The following SLFN12L variants were observed in gnomAD, a reference collection of about 807,000 sequenced individuals.
SLFN12L encodes the protein schlafen family member 12-like.
A neutral mutation model predicts 34.8 loss-of-function variants in SLFN12L; 34 were observed. The ratio of observed to expected loss-of-function variants is 0.98; its 90% confidence interval spans 0.74 to 1.30. The LOEUF is 1.30. Among genes scored for constraint, SLFN12L ranks in the 50% most tolerant of loss-of-function variants. SLFN12L has a pLI of 0.00. For synonymous variants in SLFN12L, 259 were observed against 247.5 expected, an observed-to-expected ratio of 1.05 and a Z score of -0.44; for missense variants, 703 against 696.2, an observed-to-expected ratio of 1.01 and a Z score of -0.11.
chr17:35,530,735 A>C (rs1478193864), intron 1 of SLFN12L, among the ~76,000 whole-genome samples: 1 of 152,092 alleles, frequency 6.6e-6, no homozygotes, highest in East Asian at 1.9e-4. Context: ...AAATCAATAA[A>C]ACTTAACTGT....
At chr17:35,517,871 T>G (rs1344845001) in intron 2 of SLFN12L, among the ~76,000 whole-genome samples, 1 of 152,184 alleles carries the variant, frequency 6.6e-6, no homozygotes, top group Non-Finnish European at 1.5e-5. Flanking sequence ...CTGTACTCCT[T>G]CCTTACACCT....
intron 2 of SLFN12L, chr17:35,498,710 C>T: frequency 6.5e-7 from 1 of 1,541,956 alleles, no homozygotes; most frequent in Non-Finnish European, 8.8e-7. Context: ...ATTACGTGGT[C>T]CATCTCCAAG....
chr17:35,515,535 C>T (rs1915790493), intron 2 of SLFN12L, among the ~76,000 whole-genome samples: 1 of 151,852 alleles, frequency 6.6e-6, no homozygotes, highest in African/African-American at 2.4e-5. Context: ...GTGGCGTGAT[C>T]TCAACTCACT....
intron 2 of SLFN12L, among the ~76,000 whole-genome samples, chr17:35,497,971 G>A (rs1332010330): frequency 2.0e-5 from 3 of 152,176 alleles, no homozygotes; most frequent in Non-Finnish European, 4.4e-5. Flanking sequence ...GATCGCTTGA[G>A]CCAGGAGTTT....
intron 2 of SLFN12L, among the ~76,000 whole-genome samples, chr17:35,508,503 T>C (rs144010315): frequency 8.5e-5 from 13 of 152,298 alleles, no homozygotes; most frequent in Admixed American, 5.2e-4. Flanking sequence ...CCCGCCACCA[T>C]GCTGAGCCAA....
chr17:35,496,169 T>C (rs1017711129), intron 2 of SLFN12L, among the ~76,000 whole-genome samples: 2 of 152,084 alleles, frequency 1.3e-5, no homozygotes, highest in South Asian at 2.1e-4. Flanking sequence ...CCTGTGGTCA[T>C]CCCTGGGGAA....
chr17:35,505,257 T>G (rs569113353), intron 2 of SLFN12L, among the ~76,000 whole-genome samples: 4 of 152,248 alleles, frequency 2.6e-5, no homozygotes, highest in African/African-American at 9.6e-5. Context: ...TGACAAAATC[T>G]TTAACACTAT....
In SLFN12L at chr17:35,522,287, A is replaced by G. The variant is rs571555218; in HGVS notation, c.78T>C (p.Asn26=). 1.3e-4 allele frequency: 208 copies of G among 1,614,178 alleles called. 2 individuals carry two copies. The South Asian group carries it at 2.1e-3, about 16-fold the overall frequency. ...LYICESQFLR[N]FIRKEFLRGN... ...AAGGTCCAACTGCTTACCTGATGAA[A>G]TTCCTCAGAAACTGACTTTCACAAA... Residue 26 remains asparagine, a synonymous_variant, in exon 2 of 5, where the codon AAT becomes AAC. Transcript: ENST00000628453.
rs1161388791 is a variant in SLFN12L at position 35,502,416 on chromosome 17, G to GAAAAAAAAA, written c.86+19854_86+19862dup. On this transcript the variant is annotated intron_variant, in intron 2 of 4. Transcript: ENST00000628453. ...CTCACCAGTTCAGAAGTATCCTAAG[G>GAAAAAAAAA]AAAAAAAAAAAAAAAAAAAAAAAAA... Among the ~76,000 whole-genome samples the GAAAAAAAAA allele has an allele frequency of 8.7e-4, 22 of 25,262 alleles. 1 individual carries two copies. The highest frequency in any genetic ancestry group is 1.4e-3 in the Non-Finnish European group (16 of 11,228). 16.6% of individuals were successfully genotyped at this position (25,262 alleles called of 152,430 possible). A position where few individuals can be genotyped will look rare whatever the true frequency, so the allele number is the denominator to read the frequency against.
chr17:35,502,416 GAA>G (rs1161388791), intron 2 of SLFN12L, among the ~76,000 whole-genome samples: 10 of 25,242 alleles, frequency 4.0e-4, no homozygotes, highest in African/African-American at 8.7e-4. Flanking sequence ...GTATCCTAAG[GAA>G]AAAAAAAAAA....
At chr17:35,533,917 C>T (rs972465346) in intron 1 of SLFN12L, among the ~76,000 whole-genome samples, 1 of 151,870 alleles carries the variant, frequency 6.6e-6, no homozygotes, top group Non-Finnish European at 1.5e-5. Context: ...CTCATCTCTA[C>T]TAAAAATACA....
At chr17:35,497,344 T>G (rs879847384) in intron 2 of SLFN12L, among the ~76,000 whole-genome samples, 11 of 151,912 alleles carry the variant, frequency 7.2e-5, no homozygotes, top group Admixed American at 3.3e-4. Flanking sequence ...TGAGCCGAGA[T>G]CGTATCACTG....
At chr17:35,496,631 C>T (rs1053693414) in intron 2 of SLFN12L, among the ~76,000 whole-genome samples, 4 of 151,888 alleles carry the variant, frequency 2.6e-5, no homozygotes, top group Non-Finnish European at 5.9e-5. Flanking sequence ...TGCCCCACAA[C>T]CAGGCTGGAT....
chr17:35,503,166 C>A (rs556871670), intron 2 of SLFN12L, among the ~76,000 whole-genome samples: 1 of 152,212 alleles, frequency 6.6e-6, no homozygotes, highest in South Asian at 2.1e-4. Flanking sequence ...AGAATGTGGA[C>A]TTTTTACCTA....
At chr17:35,528,291 A>G (rs1364190979) in intron 1 of SLFN12L, among the ~76,000 whole-genome samples, 5 of 152,330 alleles carry the variant, frequency 3.3e-5, no homozygotes, top group Non-Finnish European at 7.3e-5. Flanking sequence ...TAATTTACAG[A>G]TTCAATGCTA....
Position 35,472,248 on chromosome 17 carries a change from G to A in SLFN12L, c.*2675C>T, listed in dbSNP as rs577180059. On this transcript the variant is annotated 3_prime_UTR_variant, in exon 5 of 5. Transcript: ENST00000628453. The stretch of plus-strand genomic sequence containing the variant: ...GAGTTAATTTTTGTATAAAGTGTAA[G>A]GAAGGGATCCAGTTTCAGTTTTCAG... Among the ~76,000 whole-genome samples the A allele has an allele frequency of 6.6e-6, 1 of 152,254 alleles. No individual in the cohort carries two copies. The highest frequency in any genetic ancestry group is 1.9e-4 in the East Asian group (1 of 5,184).
At chr17:35,534,294 G>A (rs528044147) in intron 1 of SLFN12L, among the ~76,000 whole-genome samples, 20 of 152,052 alleles carry the variant, frequency 1.3e-4, no homozygotes, top group South Asian at 4.2e-4. Flanking sequence ...CCCGGGAAGC[G>A]GAGGTTGCAG....
At chr17:35,533,642 TAAG>T (rs1488073471) in intron 1 of SLFN12L, among the ~76,000 whole-genome samples, 4 of 151,986 alleles carry the variant, frequency 2.6e-5, no homozygotes, top group African/African-American at 7.3e-5. Context: ...TAGACAGAAG[TAAG>T]AAGGAGTATG....
chr17:35,497,250 G>A (rs542572901), intron 2 of SLFN12L, among the ~76,000 whole-genome samples: 1 of 152,240 alleles, frequency 6.6e-6, no homozygotes, highest in Admixed American at 6.5e-5. Context: ...CATTAGCTGG[G>A]CGTGGTGGCA....
Sources: allele counts gnomAD v4.1 joint callset (sites outside exome capture counted in the v4.1 genomes callset), GRCh38; gene constraint gnomAD v4.1.1; transcripts MANE v1.5; gene names NCBI Gene and HGNC (gene_info 2026-07-23, HGNC 2026-07-21).